ATPAF2: variants seen among roughly 807,000 people sequenced by gnomAD.
ATPAF2 encodes ATP synthase mitochondrial F1 complex assembly factor 2, also known as ATP12 homolog.
ATPAF2 carries 30 observed loss-of-function variants against 36.6 expected under a neutral mutation model. The observed-to-expected ratio is 0.82, with a 90% CI of 0.61 to 1.11. ATPAF2 has a LOEUF of 1.11. ATPAF2 is among the 50% of genes most tolerant of loss of function. The probability of loss-of-function intolerance (pLI) is 0.00; values close to 1 mark genes in which losing one functional copy is unlikely to be tolerated. For synonymous variants in ATPAF2, 140 were observed against 152.6 expected, an observed-to-expected ratio of 0.92 and a Z score of 0.61; for missense variants, 321 against 372.3, an observed-to-expected ratio of 0.86 and a Z score of 1.13.
intron 5 of ATPAF2, among the ~76,000 whole-genome samples, chr17:18,024,176 T>C (rs920441404): frequency 6.6e-6 from 1 of 152,260 alleles, no homozygotes; most frequent in East Asian, 1.9e-4. Flanking sequence ...TCAATTCATT[T>C]ATTCCTCCTC....
At chr17:18,029,625 C>T (rs2044598564) in intron 1 of ATPAF2, among the ~76,000 whole-genome samples, 3 of 151,546 alleles carry the variant, frequency 2.0e-5, no homozygotes, top group South Asian at 4.2e-4. Flanking sequence ...GCGTCTCACT[C>T]TCTTGCCCAG....
intron 1 of ATPAF2, among the ~76,000 whole-genome samples, chr17:18,031,430 G>A (rs1018959993): frequency 1.4e-4 from 21 of 152,136 alleles, no homozygotes; most frequent in African/African-American, 4.6e-4. Flanking sequence ...ATATGTGTGT[G>A]TCTACCATGT....
intron 1 of ATPAF2, among the ~76,000 whole-genome samples, chr17:18,029,432 A>C (rs2044595461): frequency 6.6e-6 from 1 of 152,220 alleles, no homozygotes; most frequent in South Asian, 2.1e-4. Flanking sequence ...CATCTGTGAC[A>C]AACACAAAAC....
Position 18,039,016 on chromosome 17 carries a change from C to G in ATPAF2, c.-3G>C. ...AGCCGGAGGCAGCTCCTCCACATCGCGCCCGAGGGTCTGGGAAGATGCGAG... is the reference window on the plus strand; with the variant it reads ...AGCCGGAGGCAGCTCCTCCACATCGGGCCCGAGGGTCTGGGAAGATGCGAG... On this transcript the variant is annotated 5_prime_UTR_variant, in exon 1 of 8. Transcript: ENST00000474627. The surrounding 1 kb of genome is among the most constrained non-coding windows in gnomAD (Gnocchi z 5.3). 1 of 1,597,874 alleles carries G rather than the reference C, an allele frequency of 6.3e-7. No homozygotes were observed. The highest frequency in any genetic ancestry group is 8.5e-7 in the Non-Finnish European group (1 of 1,172,170).
chr17:18,039,070 G>C lies in ATPAF2; in HGVS notation c.-57C>G. On this transcript the variant is annotated 5_prime_UTR_variant, in exon 1 of 8. Transcript: ENST00000474627. This position sits in a 1 kb window ranked among gnomAD's most constrained non-coding sequence, Gnocchi z 5.3. ...CGAAACCTGGAGCAGGAAACACAGA[G>C]CGATGGGATCCCCAAAGCCGCACGG... 1 of 1,552,354 alleles carries C rather than the reference G, an allele frequency of 6.4e-7. No individual in the cohort carries two copies.
At chr17:18,021,332 T>C in intron 6 of ATPAF2, 94 bp from the exon 7 acceptor site, 1 of 945,064 alleles carries the variant, frequency 1.1e-6, no homozygotes, top group Non-Finnish European at 1.7e-6. Context: ...AGAACAGGAG[T>C]GAGTGGTGCA....
At chr17:18,031,705 G>C (rs1279863852) in intron 1 of ATPAF2, among the ~76,000 whole-genome samples, 1 of 152,072 alleles carries the variant, frequency 6.6e-6, no homozygotes, top group Non-Finnish European at 1.5e-5. Flanking sequence ...GCGTGAACCC[G>C]GGAGGTGGAG....
intron 1 of ATPAF2, among the ~76,000 whole-genome samples, chr17:18,035,649 A>G (rs1474834078): frequency 1.3e-5 from 2 of 152,268 alleles, no homozygotes; most frequent in African/African-American, 4.8e-5. Flanking sequence ...CAAGCCATAC[A>G]ATATCTGTTC....
In ATPAF2 at chr17:18,018,171, T is replaced by C. The variant is rs530700735; in HGVS notation, c.*378A>G. On this transcript the variant is annotated 3_prime_UTR_variant, in exon 8 of 8. Coordinates refer to ENST00000474627, the MANE Select transcript of ATPAF2 (RefSeq NM_145691.4). ...AGGCAGCAGATATCCAAACACGCCA[T>C]GGGAGATAAGCTGTTTAACCCTCTG... 5 of 313,724 alleles carry C rather than the reference T, an allele frequency of 1.6e-5. No individual in the cohort carries two copies. The highest frequency in any genetic ancestry group is 2.5e-5 in the Non-Finnish European group (4 of 161,644). 19.4% of individuals were successfully genotyped at this position (313,724 alleles called of 1,614,324 possible).
chr17:18,032,284 G>A (rs998723733), intron 1 of ATPAF2, among the ~76,000 whole-genome samples: 1 of 152,244 alleles, frequency 6.6e-6, no homozygotes, highest in African/African-American at 2.4e-5. Context: ...CCAGCACAGG[G>A]CTGAACCTTC....
At chr17:18,026,112 GA>G (rs1038141510) in intron 4 of ATPAF2, 20 of 642,932 alleles carry the variant, frequency 3.1e-5, no homozygotes, top group Non-Finnish European at 5.6e-5. Flanking sequence ...GGCTAGAGAA[GA>G]GGGGTGGCCA....
Position 18,018,625 on chromosome 17 carries a change from C to T in ATPAF2, c.794G>A (p.Arg265His), listed in dbSNP as rs113420520. ...HDYELQELRA[R>H]TAAGTLFIHL... ...GATGAAGAGGGTGCCGGCGGCGGTG[C>T]GGGCCCGCAGCTCCTGCAGCTCATA... is the stretch of plus-strand genomic sequence containing the variant. The change falls in exon 8 of 8, where the codon CGC becomes CAC. Residue 265 changes from arginine to histidine, a missense_variant. Arg to His is a conservative substitution (Grantham distance 29). Coordinates refer to ENST00000474627, the MANE Select transcript of ATPAF2 (RefSeq NM_145691.4). 6.4e-5 allele frequency: 103 copies of T among 1,613,980 alleles called. No homozygotes were observed. The African/African-American group carries it at 8.5e-4, about 13-fold the overall frequency.
chr17:18,016,873 TAAAAAAA>T, downstream of ATPAF2: 4 of 302,356 alleles, frequency 1.3e-5, no homozygotes, highest in East Asian at 5.8e-5. Context: ...CCCCTACTCA[TAAAAAAA>T]AAAAAAAAAT....
At chr17:18,017,465 C>T (rs554073502), downstream of ATPAF2, among the ~76,000 whole-genome samples, 3 of 152,364 alleles carry the variant, frequency 2.0e-5, no homozygotes, top group East Asian at 5.8e-4. Context: ...GCAGCTCCCA[C>T]CACAGTGCTG....
At chr17:18,017,587 CT>C (rs2044403279), downstream of ATPAF2, among the ~76,000 whole-genome samples, 1 of 152,256 alleles carries the variant, frequency 6.6e-6, no homozygotes, top group South Asian at 2.1e-4. Flanking sequence ...CCCCGCAGCC[CT>C]GGTGTCATCT....
chr17:18,026,218 G>C lies in ATPAF2; in HGVS notation c.422+101C>G, dbSNP rs1029447998. 3.4e-6 allele frequency: 4 copies of C among 1,170,082 alleles called. No homozygotes were observed. In the African/African-American group the frequency reaches 6.0e-5, roughly 18 times the overall value. The allele number at this position is 1,170,082 out of a possible 1,614,324, so 72.5% of individuals were successfully genotyped here. On this transcript the variant is annotated intron_variant, in intron 4 of 7. Transcript: ENST00000474627. ...CAAGTGGGCCACCTTCCTTGTCCTT[G>C]CAATAAATGGAGAGGGTTTCTTCTT...
intron 4 of ATPAF2, chr17:18,024,950 C>G (rs1568570875): frequency 3.8e-6 from 2 of 527,218 alleles, no homozygotes; most frequent in South Asian, 2.0e-5. Context: ...TGGAGGGGGG[C>G]CCAGCAATCT....
At chr17:18,017,277 T>TC (rs1265849426), downstream of ATPAF2, among the ~76,000 whole-genome samples, 2 of 136,096 alleles carry the variant, frequency 1.5e-5, no homozygotes, top group Non-Finnish European at 3.1e-5. Flanking sequence ...ACAGAGCAAC[T>TC]CCCAAGGGCA....
At chr17:18,021,905 G>A (rs762338846) in intron 5 of ATPAF2, 48 bp from the exon 6 acceptor site, 2 of 1,523,888 alleles carry the variant, frequency 1.3e-6, no homozygotes, top group South Asian at 1.1e-5. Flanking sequence ...TGTAGCCCAA[G>A]AGCAGCCCAC....
Sources: gnomAD v4.1 joint callset for allele counts (sites outside exome capture counted in the v4.1 genomes callset) on GRCh38, gnomAD v4.1.1 for gene constraint, Gnocchi (gnomAD v3.1) non-coding constraint, MANE v1.5 for transcripts, NCBI Gene and HGNC (gene_info 2026-07-23, HGNC 2026-07-21) for gene names.